PDE4B: variants seen among roughly 807,000 people sequenced by gnomAD.
PDE4B encodes phosphodiesterase 4B, also known as 3',5'-cyclic-AMP phosphodiesterase 4B.
A neutral mutation model predicts 82.2 loss-of-function variants in PDE4B; 20 were observed. The observed-to-expected ratio is 0.24, with a 90% CI of 0.17 to 0.35. The LOEUF (loss-of-function observed/expected upper bound fraction) is 0.35, where lower values mean the gene tolerates loss of function less well. Among genes scored for constraint, PDE4B ranks in the 10% least tolerant of loss-of-function variants. PDE4B has a pLI of 1.00. For synonymous variants in PDE4B, 320 were observed against 318.9 expected (o/e 1.00, Z -0.04); for missense variants, 655 against 907.2 (o/e 0.72, Z 3.57).
intron 3 of PDE4B, among the ~76,000 whole-genome samples, chr1:66,057,776 C>T (rs979652407): frequency 7.9e-5 from 12 of 152,148 alleles, no homozygotes; most frequent in African/African-American, 1.7e-4. Flanking sequence ...TATTTCCCAC[C>T]GGGTCCCTCC....
chr1:66,157,383 T>C (rs1646521821), intron 3 of PDE4B, among the ~76,000 whole-genome samples: 1 of 152,224 alleles, frequency 6.6e-6, no homozygotes, highest in Admixed American at 6.5e-5. Context: ...AGTGATACTT[T>C]CAAATGATCC....
chr1:66,043,191 C>A (rs775937034), intron 3 of PDE4B, among the ~76,000 whole-genome samples: 4 of 151,664 alleles, frequency 2.6e-5, no homozygotes, highest in Non-Finnish European at 5.9e-5. Context: ...TAGCTACTTC[C>A]CTTAGAAGGA....
intron 3 of PDE4B, among the ~76,000 whole-genome samples, chr1:66,102,647 A>C (rs944378866): frequency 9.9e-5 from 15 of 152,106 alleles, no homozygotes; most frequent in African/African-American, 3.6e-4. Context: ...TTTCATATTT[A>C]TTTAATACAG....
intron 1 of PDE4B, among the ~76,000 whole-genome samples, chr1:65,857,179 G>C (rs1479062230): frequency 6.6e-6 from 1 of 152,098 alleles, no homozygotes; most frequent in Non-Finnish European, 1.5e-5. Flanking sequence ...AAAAATGTAA[G>C]TCATATATAG....
At chr1:66,027,926 C>T (rs958613934) in intron 3 of PDE4B, among the ~76,000 whole-genome samples, 5 of 152,168 alleles carry the variant, frequency 3.3e-5, no homozygotes, top group South Asian at 2.1e-4. Context: ...TGAGTATCTG[C>T]GACTTTTCCA....
At chr1:66,114,911 C>T (rs1191694796) in intron 3 of PDE4B, among the ~76,000 whole-genome samples, 2 of 152,148 alleles carry the variant, frequency 1.3e-5, no homozygotes, top group Non-Finnish European at 2.9e-5. Context: ...ACTGGGATTA[C>T]AGGGGTGAGC....
intron 3 of PDE4B, among the ~76,000 whole-genome samples, chr1:66,244,317 T>C (rs1013089237): frequency 6.6e-6 from 1 of 152,208 alleles, no homozygotes; most frequent in Non-Finnish European, 1.5e-5. Flanking sequence ...TTTTATATAA[T>C]ATTCTTATAT....
intron 3 of PDE4B, among the ~76,000 whole-genome samples, chr1:66,201,956 T>A (rs1649002693): frequency 6.6e-6 from 1 of 152,224 alleles, no homozygotes; most frequent in Non-Finnish European, 1.5e-5. Context: ...CAATTTTAGA[T>A]CTTTCCTGCT....
intron 3 of PDE4B, among the ~76,000 whole-genome samples, chr1:66,102,238 T>C (rs1347018100): frequency 1.3e-5 from 2 of 152,104 alleles, no homozygotes; most frequent in Non-Finnish European, 2.9e-5. Context: ...TTTGTTTTTG[T>C]TTTTAAGAAG....
chr1:66,298,874 A>G lies in PDE4B; in HGVS notation c.634+32787A>G, dbSNP rs1382336253. Among the ~76,000 whole-genome samples, 6 of 152,160 alleles carry G rather than the reference A, an allele frequency of 3.9e-5. No homozygotes were observed. In the East Asian group the frequency reaches 9.6e-4, roughly 24 times the overall value. ...TGGATCTGAAAACATTTAGTGAAGT[A>G]GAAAGTACTGTGCTCATAGTAGTCA... is the stretch of plus-strand genomic sequence containing the variant. On this transcript the variant is annotated intron_variant, in intron 7 of 16. Transcript: ENST00000341517.
At chr1:65,875,021 A>G (rs1450290142) in intron 1 of PDE4B, among the ~76,000 whole-genome samples, 2 of 150,210 alleles carry the variant, frequency 1.3e-5, no homozygotes, top group Non-Finnish European at 3.0e-5. Context: ...GCAACCTACA[A>G]AATGGGAGAA....
At chr1:66,005,899 T>A (rs542090359) in intron 3 of PDE4B, among the ~76,000 whole-genome samples, 5 of 152,312 alleles carry the variant, frequency 3.3e-5, no homozygotes, top group African/African-American at 1.2e-4. Flanking sequence ...CATTTGATGC[T>A]GGTAGCTTTT....
intron 3 of PDE4B, among the ~76,000 whole-genome samples, chr1:65,931,830 G>A (rs541283243): frequency 4.6e-5 from 7 of 152,206 alleles, no homozygotes; most frequent in Non-Finnish European, 1.0e-4. Context: ...TGGACCATGT[G>A]TATGACACTC....
chr1:65,874,732 T>C (rs1244149790), intron 1 of PDE4B, among the ~76,000 whole-genome samples: 1 of 150,336 alleles, frequency 6.7e-6, no homozygotes, highest in African/African-American at 2.4e-5. Flanking sequence ...CTGGGAAAAC[T>C]GGCTAGCCAT....
chr1:66,043,123 T>C (rs1040507544), intron 3 of PDE4B, among the ~76,000 whole-genome samples: 41 of 151,780 alleles, frequency 2.7e-4, no homozygotes, highest in African/African-American at 9.4e-4. Context: ...CTGTGTGTTA[T>C]AGTGCCTACT....
At chr1:66,184,323 T>A (rs1423389113) in intron 3 of PDE4B, among the ~76,000 whole-genome samples, 1 of 152,128 alleles carries the variant, frequency 6.6e-6, no homozygotes, top group East Asian at 1.9e-4. Context: ...AACAGAATTA[T>A]AGGAATTTAT....
At chr1:66,028,819 G>T (rs1269592132) in intron 3 of PDE4B, among the ~76,000 whole-genome samples, 5 of 152,118 alleles carry the variant, frequency 3.3e-5, no homozygotes, top group Non-Finnish European at 7.4e-5. Flanking sequence ...CTCCATCTGA[G>T]ACCACCTCAG....
rs960618335 is a variant in PDE4B at position 65,910,528 on chromosome 1, G to A, written c.-70-2717G>A. 2.0e-5 allele frequency among the ~76,000 whole-genome samples: 3 copies of A among 152,144 alleles called. No homozygotes were observed. In the East Asian group the frequency reaches 5.8e-4, roughly 29 times the overall value. ...TCAGGATCCTAGTAGGAAATAGATT[G>A]TTCTCTTAAAGAAGCTGAAAGAGAG... On this transcript the variant is annotated intron_variant, in intron 1 of 16. Transcript: ENST00000341517.
intron 3 of PDE4B, among the ~76,000 whole-genome samples, chr1:66,231,222 T>C (rs1278485876): frequency 1.3e-5 from 2 of 152,198 alleles, no homozygotes; most frequent in African/African-American, 4.8e-5. Flanking sequence ...TAAACTCAGC[T>C]AGACCATTTA....
Sources: gnomAD v4.1 joint callset for allele counts (sites outside exome capture counted in the v4.1 genomes callset) on GRCh38, gnomAD v4.1.1 for gene constraint, MANE v1.5 for transcripts, NCBI Gene and HGNC (gene_info 2026-07-23, HGNC 2026-07-21) for gene names.